MS4A14: variants seen among roughly 807,000 people sequenced by gnomAD.
MS4A14 encodes membrane spanning 4-domains A14.
In MS4A14, 18 loss-of-function variants were observed where a neutral mutation model predicts 16.7. The observed-to-expected ratio is 1.08, with a 90% CI of 0.75 to 1.60. MS4A14 has a LOEUF of 1.60. Ranked by LOEUF, MS4A14 falls within the 40% of genes most tolerant of loss-of-function variation. MS4A14 has a pLI of 0.00. For missense variants in MS4A14, 812 were observed against 775.3 expected (o/e 1.05, Z -0.56); for synonymous variants, 305 against 289.4 (o/e 1.05, Z -0.55).
At chr11:60,406,792 G>C (rs1289803552) in intron 4 of MS4A14, among the ~76,000 whole-genome samples, 1 of 152,024 alleles carries the variant, frequency 6.6e-6, no homozygotes, top group African/African-American at 2.4e-5. Flanking sequence ...AGGTTCACTG[G>C]AACCCCTTTG....
intron 4 of MS4A14, among the ~76,000 whole-genome samples, chr11:60,412,947 T>A (rs982128311): frequency 7.9e-5 from 12 of 151,970 alleles, no homozygotes; most frequent in Non-Finnish European, 1.6e-4. Context: ...AATTTACTTC[T>A]TAGTAATATG....
chr11:60,413,366 G>C (rs1224479484), intron 4 of MS4A14, among the ~76,000 whole-genome samples: 2 of 89,876 alleles, frequency 2.2e-5, no homozygotes, highest in Non-Finnish European at 5.2e-5. Context: ...TTTAAAATAA[G>C]TGATGAAAAT....
chr11:60,416,328 C>T lies in MS4A14; in HGVS notation c.1360C>T (p.Gln454Ter). 6.2e-7 allele frequency: 1 copy of T among 1,613,936 alleles called. No individual in the cohort carries two copies. Among genetic ancestry groups the T allele is most frequent in the Non-Finnish European group, 8.5e-7 (1 of 1,179,960 alleles). ...NTEPQNQQIL[Q>*]MSYQDIRSEV... ...TGAACCTCAAAACCAGCAAATTTTA[C>T]AAATGTCATATCAAGATATTAGATC... is the stretch of plus-strand genomic sequence containing the variant. Residue 454 changes from glutamine (Q) to a stop codon, truncating the protein, a stop_gained, in exon 5 of 5, where the codon CAA becomes TAA. Transcript: ENST00000300187. LOFTEE classifies it low-confidence loss of function (END_TRUNC).
chr11:60,416,750 G>A lies in MS4A14; in HGVS notation c.1782G>A (p.Glu594=), dbSNP rs1324753268. 4 of 1,613,240 alleles carry A rather than the reference G, an allele frequency of 2.5e-6. No homozygotes were observed. The highest frequency in any genetic ancestry group is 2.2e-5 in the South Asian group (2 of 91,048). The part of the protein sequence containing the change: ...GQVKDQQTDK[E]QNSKKQTQDQ... ...TTAAAGACCAGCAGACTGATAAGGA[G>A]CAAAACTCAAAGAAGCAAACCCAGG... The change falls in exon 5 of 5, where the codon GAG becomes GAA. Residue 594 remains glutamate (E), a synonymous_variant. Transcript: ENST00000300187.
Position 60,416,027 on chromosome 11 carries a change from T to C in MS4A14, c.1059T>C (p.Asn353=). The C allele has an allele frequency of 1.2e-6, 2 of 1,613,858 alleles. No individual in the cohort carries two copies. Among genetic ancestry groups the C allele is most frequent in the Non-Finnish European group, 8.5e-7 (1 of 1,179,956 alleles). The change falls in exon 5 of 5, where the codon AAT becomes AAC. Residue 353 remains asparagine (N), a synonymous_variant. Coordinates refer to ENST00000300187, the MANE Select transcript of MS4A14 (RefSeq NM_032597.5). ...AACAGTCTTCTAATCTGACAGCTAA[T>C]GACCTGCCCCCTCAAGGCATACTAT... ...HVKQSSNLTA[N]DLPPQGILSQ... is the part of the protein sequence containing the mutation.
At position 60,413,173 on chromosome 11, in the gene MS4A14, T is replaced by C. The variant is rs555752885; in HGVS notation, c.469-2264T>C. 5.3e-5 allele frequency among the ~76,000 whole-genome samples: 8 copies of C among 152,102 alleles called. No homozygotes were observed. In the South Asian group the frequency reaches 1.0e-3, roughly 20 times the overall value. On this transcript the variant is annotated intron_variant, in intron 4 of 4. Coordinates refer to ENST00000300187, the MANE Select transcript of MS4A14 (RefSeq NM_032597.5). ...CACATATAGAAATGCAATTTATTTT[T>C]ATATACTGGTCTACTATGACCTTTC...
At chr11:60,415,287 A>T in intron 4 of MS4A14, 150 bp from the exon 5 acceptor site, 1 of 722,324 alleles carries the variant, frequency 1.4e-6, no homozygotes, top group South Asian at 2.2e-5. Flanking sequence ...TTAATGGTAA[A>T]GGCAGGACTG....
intron 3 of MS4A14, among the ~76,000 whole-genome samples, chr11:60,400,840 C>A (rs979196940): frequency 1.3e-5 from 2 of 152,148 alleles, no homozygotes; most frequent in Non-Finnish European, 2.9e-5. Flanking sequence ...CATTTCTAAG[C>A]ATCTAAAATG....
chr11:60,402,837 C>G (rs1430275639), intron 3 of MS4A14, 75 bp from the exon 4 acceptor site: 1 of 1,462,000 alleles, frequency 6.8e-7, no homozygotes, highest in Admixed American at 1.8e-5. Context: ...GATAAAAGCA[C>G]TAAAAATTTC....
chr11:60,401,751 G>A (rs1289646218), intron 3 of MS4A14, among the ~76,000 whole-genome samples: 1 of 152,182 alleles, frequency 6.6e-6, no homozygotes, highest in African/African-American at 2.4e-5. Flanking sequence ...AGAGATCTTA[G>A]TCTATAAAAT....
chr11:60,403,391 G>T (rs1244970022), intron 4 of MS4A14, among the ~76,000 whole-genome samples: 10 of 152,136 alleles, frequency 6.6e-5, no homozygotes, highest in African/African-American at 9.7e-5. Flanking sequence ...ACCTTGCACA[G>T]TTAAATAGTC....
intron 1 of MS4A14, among the ~76,000 whole-genome samples, chr11:60,397,119 G>C (rs1250771512): frequency 6.6e-6 from 1 of 152,216 alleles, no homozygotes; most frequent in African/African-American, 2.4e-5. Flanking sequence ...GGGGAGAGCT[G>C]TATGCACAGC....
At position 60,416,222 on chromosome 11, in the gene MS4A14, A is replaced by G; in HGVS notation, c.1254A>G (p.Glu418=). 1 of 1,613,970 alleles carries G rather than the reference A, an allele frequency of 6.2e-7. No homozygotes were observed. The highest frequency in any genetic ancestry group is 8.5e-7 in the Non-Finnish European group (1 of 1,179,952). ...QALSAHAILP[E]ASTSHIVQFP... ...TATCAGCGCATGCCATATTACCTGAAGCCTCAACATCCCATATTGTGCAGT... is the reference window on the plus strand; with the variant it reads ...TATCAGCGCATGCCATATTACCTGAGGCCTCAACATCCCATATTGTGCAGT... Residue 418 remains glutamate, a synonymous_variant, in exon 5 of 5, where the codon GAA becomes GAG. Coordinates refer to ENST00000300187, the MANE Select transcript of MS4A14 (RefSeq NM_032597.5).
chr11:60,403,219 A>C, intron 4 of MS4A14, 158 bp downstream of exon 4: 1 of 734,874 alleles, frequency 1.4e-6, no homozygotes, highest in Non-Finnish European at 2.3e-6. Context: ...TACAATGGTT[A>C]AGGAGCGATA....
chr11:60,396,478 C>T lies in MS4A14; in HGVS notation c.-101C>T. ...CTGAGTAGAGTCATCACTAAGGGCT[C>T]ATCTCTGAGGGCTCCATGTGACTCT... is the stretch of plus-strand genomic sequence containing the variant. On this transcript the variant is annotated 5_prime_UTR_variant, in exon 1 of 5. Transcript: ENST00000300187. The T allele has an allele frequency of 1.5e-6, 2 of 1,316,126 alleles. No individual in the cohort carries two copies. The highest frequency in any genetic ancestry group is 3.0e-5 in the South Asian group (2 of 67,222). 81.5% of individuals were successfully genotyped at this position (1,316,126 alleles called of 1,614,324 possible).
chr11:60,411,623 A>T (rs1047940111), intron 4 of MS4A14, among the ~76,000 whole-genome samples: 1 of 152,132 alleles, frequency 6.6e-6, no homozygotes, highest in East Asian at 1.9e-4. Flanking sequence ...TTGTATCTTG[A>T]ACCTTGTTGC....
chr11:60,416,979 C>A lies in MS4A14; in HGVS notation c.2011C>A (p.Leu671Ile). The A allele has an allele frequency of 6.2e-7, 1 of 1,612,870 alleles. No individual in the cohort carries two copies. Among genetic ancestry groups the A allele is most frequent in the South Asian group, 1.1e-5 (1 of 90,910 alleles). ...LQAGQPRTVN[L>I]LAKNPLTG ...GGCTGGACAACCCAGGACTGTCAAT[C>A]TTTTGGCCAAGAATCCCCTGACTGG... The change falls in exon 5 of 5, where the codon CTT becomes ATT. Residue 671 changes from leucine to isoleucine, a missense_variant. Coordinates refer to ENST00000300187, the MANE Select transcript of MS4A14 (RefSeq NM_032597.5).
Position 60,416,196 on chromosome 11 carries a change from C to T in MS4A14, c.1228C>T (p.Leu410=), listed in dbSNP as rs746848351. 9.9e-6 allele frequency: 16 copies of T among 1,613,838 alleles called. No homozygotes were observed. In the South Asian group the frequency reaches 1.1e-4, roughly 11 times the overall value. ...IPSQDMLSQA[L]SAHAILPEAS... Reference sequence around the variant, plus strand: ...TTCCCAAGATATGCTATCCCAAGCTCTATCAGCGCATGCCATATTACCTGA... The same window carrying T: ...TTCCCAAGATATGCTATCCCAAGCTTTATCAGCGCATGCCATATTACCTGA... Residue 410 remains leucine (L), a synonymous_variant, in exon 5 of 5, where the codon CTA becomes TTA. Coordinates refer to ENST00000300187, the MANE Select transcript of MS4A14 (RefSeq NM_032597.5).
Position 60,417,131 on chromosome 11 carries a change from C to A in MS4A14, c.*123C>A. ...GCAGAAAGCTCTATACCAAGAAGTC[C>A]AAACCCAGCACGCAACAGCCCAACA... On this transcript the variant is annotated 3_prime_UTR_variant, in exon 5 of 5. Transcript: ENST00000300187. The A allele has an allele frequency of 1.6e-6, 2 of 1,240,252 alleles. No individual in the cohort carries two copies. Among genetic ancestry groups the A allele is most frequent in the Non-Finnish European group, 2.2e-6 (2 of 919,692 alleles). The allele number at this position is 1,240,252 out of a possible 1,614,324, so 76.8% of individuals were successfully genotyped here.
Sources: allele counts gnomAD v4.1 joint callset (sites outside exome capture counted in the v4.1 genomes callset), GRCh38; gene constraint gnomAD v4.1.1; transcripts MANE v1.5; gene names NCBI Gene and HGNC (gene_info 2026-07-23, HGNC 2026-07-21).